The following ZMYM2 variants were observed in gnomAD, a reference collection of about 807,000 sequenced individuals.
The protein encoded by ZMYM2 is zinc finger MYM-type containing 2, also known as zinc finger MYM-type protein 2.
ZMYM2 carries 56 observed loss-of-function variants against 162.8 expected under a neutral mutation model. That is an observed-to-expected ratio of 0.34 (90% CI 0.28 to 0.43). The LOEUF (loss-of-function observed/expected upper bound fraction) is 0.43, where lower values mean the gene tolerates loss of function less well. Ranked by LOEUF, ZMYM2 falls within the 20% of genes least tolerant of loss-of-function variation. The probability of loss-of-function intolerance (pLI) is 1.00; values close to 1 mark genes in which losing one functional copy is unlikely to be tolerated. For synonymous variants in ZMYM2, 510 were observed against 541.6 expected, an observed-to-expected ratio of 0.94 and a Z score of 0.81; for missense variants, 1,275 against 1,621.8, an observed-to-expected ratio of 0.79 and a Z score of 3.67.
At chr13:19,959,503 G>A (rs546733461) in intron 1 of ZMYM2, among the ~76,000 whole-genome samples, 5 of 152,174 alleles carry the variant, frequency 3.3e-5, no homozygotes, top group South Asian at 2.1e-4. Context: ...TGCAGGGGGG[G>A]GCAAACCTCA....
At chr13:19,865,859 C>A in the ZMYM2 span, among the ~76,000 whole-genome samples, 1 of 152,120 alleles carries the variant, frequency 6.6e-6, no homozygotes, top group Non-Finnish European at 1.5e-5. Context: ...TATTGTAAAT[C>A]TTTTGATAAT....
the ZMYM2 span, among the ~76,000 whole-genome samples, chr13:19,880,872 GTTTT>G: frequency 6.6e-6 from 1 of 151,196 alleles, no homozygotes; most frequent in Admixed American, 6.6e-5. Context: ...GAATCTTAAA[GTTTT>G]TTTGTTTTTG....
the ZMYM2 span, among the ~76,000 whole-genome samples, chr13:19,944,029 C>G: frequency 6.6e-6 from 1 of 152,080 alleles, no homozygotes; most frequent in Non-Finnish European, 1.5e-5. Context: ...AGAAAGAACT[C>G]TAGAATTGAT....
intron 10 of ZMYM2, 85 bp downstream of exon 10, chr13:20,031,520 A>G (rs973678421): frequency 1.8e-5 from 15 of 817,276 alleles, no homozygotes; most frequent in Middle Eastern, 2.5e-4. Flanking sequence ...CTGGAAACCT[A>G]TTTCTTGGTA....
chr13:20,074,673 G>T (rs893110218), intron 21 of ZMYM2, among the ~76,000 whole-genome samples: 7 of 151,994 alleles, frequency 4.6e-5, no homozygotes, highest in Non-Finnish European at 1.0e-4. Flanking sequence ...CGAGTAGCTG[G>T]CACTACAGGC....
intron 4 of ZMYM2, 82 bp downstream of exon 4, chr13:20,003,217 A>T (rs1950515095): frequency 6.9e-7 from 1 of 1,459,390 alleles, no homozygotes; most frequent in African/African-American, 1.4e-5. Flanking sequence ...CAGATTTGTA[A>T]TACCTTTGGA....
At chr13:19,963,132 C>A (rs1955432969) in intron 2 of ZMYM2, among the ~76,000 whole-genome samples, 1 of 152,168 alleles carries the variant, frequency 6.6e-6, no homozygotes, top group Non-Finnish European at 1.5e-5. Context: ...AGCCACCGTG[C>A]CGGCCTGCAT....
chr13:19,972,814 A>T (rs1473142545), intron 2 of ZMYM2, among the ~76,000 whole-genome samples: 4 of 151,982 alleles, frequency 2.6e-5, no homozygotes, highest in Non-Finnish European at 5.9e-5. Context: ...CATTCTTCCC[A>T]ACACTGTATA....
At chr13:19,866,257 TTAAA>T in the ZMYM2 span, among the ~76,000 whole-genome samples, 2 of 32,046 alleles carry the variant, frequency 6.2e-5, no homozygotes, top group Non-Finnish European at 2.0e-4. Context: ...AAAAAAAGAA[TTAAA>T]TAAATTATCA....
chr13:20,087,161 A>G lies in ZMYM2; in HGVS notation c.*1147A>G, dbSNP rs2141090851. On this transcript the variant is annotated 3_prime_UTR_variant, in exon 25 of 25. Coordinates refer to ENST00000610343, the MANE Select transcript of ZMYM2 (RefSeq NM_197968.4). ...CAGTGTAGTAATTCTGATATTGCAA[A>G]TGATTGAGGAACAAACAAAGAAACT... 1 of 187,698 alleles carries G rather than the reference A, an allele frequency of 5.3e-6. No individual in the cohort carries two copies. Among genetic ancestry groups the G allele is most frequent in the South Asian group, 1.9e-4 (1 of 5,136 alleles). 11.6% of individuals were successfully genotyped at this position (187,698 alleles called of 1,614,324 possible).
the ZMYM2 span, among the ~76,000 whole-genome samples, chr13:19,930,330 G>A: frequency 6.6e-6 from 1 of 152,004 alleles, no homozygotes; most frequent in Non-Finnish European, 1.5e-5. Flanking sequence ...GAACCCAGGA[G>A]GCGAAGGTTT....
intron 12 of ZMYM2, among the ~76,000 whole-genome samples, chr13:20,040,768 C>T (rs987567808): frequency 6.6e-6 from 1 of 152,126 alleles, no homozygotes; most frequent in Non-Finnish European, 1.5e-5. Flanking sequence ...CTCAACACTG[C>T]CTTAGCTGTG....
At chr13:20,003,720 C>T (rs1950550383) in intron 4 of ZMYM2, among the ~76,000 whole-genome samples, 2 of 151,598 alleles carry the variant, frequency 1.3e-5, no homozygotes, top group South Asian at 4.2e-4. Flanking sequence ...GCAGCCTCCA[C>T]CTCCTGGGTC....
chr13:20,016,530 A>G (rs1951644018), intron 6 of ZMYM2, among the ~76,000 whole-genome samples: 1 of 152,174 alleles, frequency 6.6e-6, no homozygotes, highest in South Asian at 2.1e-4. Flanking sequence ...TTTGTAGGGT[A>G]GATTTAGTGG....
the ZMYM2 span, among the ~76,000 whole-genome samples, chr13:19,945,973 A>G: frequency 2.7e-5 from 4 of 149,570 alleles, no homozygotes; most frequent in Admixed American, 6.8e-5. Context: ...AAAAAAAAAA[A>G]AGAGAAGTTT....
the ZMYM2 span, among the ~76,000 whole-genome samples, chr13:19,941,327 A>C: frequency 2.6e-5 from 4 of 152,038 alleles, no homozygotes; most frequent in South Asian, 2.1e-4. Flanking sequence ...AAAAACAAAA[A>C]AAAAAAAGAA....
chr13:20,004,263 G>GTT (rs548813563), intron 4 of ZMYM2, among the ~76,000 whole-genome samples: 4 of 150,776 alleles, frequency 2.7e-5, no homozygotes, highest in African/African-American at 9.7e-5. Flanking sequence ...GTTTTGTTTT[G>GTT]TTTTTTTTTG....
At chr13:20,083,803 A>T (rs779080214) in intron 24 of ZMYM2, 27 bp downstream of exon 24, 12 of 1,587,478 alleles carry the variant, frequency 7.6e-6, no homozygotes, top group Non-Finnish European at 1.0e-5. Flanking sequence ...CTTAACTTTT[A>T]AAAATGTTGG....
intron 2 of ZMYM2, among the ~76,000 whole-genome samples, chr13:19,988,167 T>A (rs1217066396): frequency 6.6e-6 from 1 of 152,210 alleles, no homozygotes; most frequent in Admixed American, 6.5e-5. Flanking sequence ...GTCACAGTTA[T>A]GTGAGAATAA....
Sources: allele counts gnomAD v4.1 joint callset (sites outside exome capture counted in the v4.1 genomes callset), GRCh38; gene constraint gnomAD v4.1.1; transcripts MANE v1.5; gene names NCBI Gene and HGNC (gene_info 2026-07-23, HGNC 2026-07-21).